Variants in C6orf62 observed in about 807,000 individuals in gnomAD.
C6orf62 encodes uncharacterized protein C6orf62.
A neutral mutation model predicts 26.8 loss-of-function variants in C6orf62; 16 were observed. That is an observed-to-expected ratio of 0.60 (90% confidence interval 0.40 to 0.91). The LOEUF (loss-of-function observed/expected upper bound fraction) is 0.91. C6orf62 is among the 40% of genes least tolerant of loss of function. C6orf62 has a pLI of 0.00. For missense variants in C6orf62, 192 were observed against 271.4 expected, an observed-to-expected ratio of 0.71 and a Z score of 2.06; for synonymous variants, 112 against 91.5, an observed-to-expected ratio of 1.22 and a Z score of -1.28.
intron 3 of C6orf62, among the ~76,000 whole-genome samples, chr6:24,713,312 G>A (rs2127634534): frequency 6.6e-6 from 1 of 152,068 alleles, no homozygotes; most frequent in South Asian, 2.1e-4. Flanking sequence ...TGTAACCAAT[G>A]GATTATTTTT....
intron 2 of C6orf62, 72 bp downstream of exon 2, chr6:24,716,076 G>A: frequency 5.2e-6 from 7 of 1,347,168 alleles, no homozygotes; most frequent in East Asian, 2.3e-5. Context: ...TTTAAGGGGG[G>A]TTCGGGGGGC....
At position 24,718,953 on chromosome 6, in the gene C6orf62, A is replaced by G. The variant is rs1562172655; in HGVS notation, c.-285T>C. The G allele has an allele frequency of 1.7e-6, 2 of 1,205,302 alleles. No individual in the cohort carries two copies. Among genetic ancestry groups the G allele is most frequent in the Non-Finnish European group, 2.1e-6 (2 of 966,422 alleles). The allele number at this position is 1,205,302 out of a possible 1,614,324, so 74.7% of individuals were successfully genotyped here. On this transcript the variant is annotated 5_prime_UTR_variant, in exon 1 of 5. Transcript: ENST00000378119. The stretch of plus-strand genomic sequence containing the variant: ...AAAGAAAGGAAAGAAAGAGGAGAAA[A>G]TAACTAACTTTCTGGAAAACACATT...
chr6:24,705,980 T>A lies in C6orf62; in HGVS notation c.*157A>T. On this transcript the variant is annotated 3_prime_UTR_variant, in exon 5 of 5. Transcript: ENST00000378119. Reference sequence around the variant, plus strand: ...TTTTGTTTAAGTTCTGAGATAAAAATGATTTAAAAAAATCCAGGATGAACA... The same window carrying A: ...TTTTGTTTAAGTTCTGAGATAAAAAAGATTTAAAAAAATCCAGGATGAACA... 8.8e-7 allele frequency: 1 copy of A among 1,140,112 alleles called. No homozygotes were observed. Among genetic ancestry groups the A allele is most frequent in the Non-Finnish European group, 1.2e-6 (1 of 843,408 alleles). The allele number at this position is 1,140,112 out of a possible 1,614,324, so 70.6% of individuals were successfully genotyped here.
rs765962099 is a variant in C6orf62, at chr6:24,718,651, G to A, written c.18C>T (p.Ser6=). 19 of 1,613,706 alleles carry A rather than the reference G, an allele frequency of 1.2e-5. No homozygotes were observed. Among genetic ancestry groups the A allele is most frequent in the South Asian group, 7.7e-5 (7 of 91,030 alleles). MGDPN[S]RKKQALNRLR... ...GTCTGTTCAGAGCTTGTTTCTTCCG[G>A]GAGTTTGGGTCCCCCATTTTGAAAT... Residue 6 remains serine (S), a synonymous_variant, in exon 1 of 5, where the codon TCC becomes TCT. Transcript: ENST00000378119.
intron 1 of C6orf62, among the ~76,000 whole-genome samples, chr6:24,716,655 A>T (rs1779236100): frequency 6.6e-6 from 1 of 152,174 alleles, no homozygotes; most frequent in Non-Finnish European, 1.5e-5. Context: ...GAATAGTTTT[A>T]TTCCTTATAT....
intron 4 of C6orf62, among the ~76,000 whole-genome samples, chr6:24,707,887 T>G (rs2127632269): frequency 6.6e-6 from 1 of 151,724 alleles, no homozygotes; most frequent in South Asian, 2.1e-4. Context: ...GGCGGGCACC[T>G]GTAGTCCCAG....
chr6:24,718,042 A>G (rs1779268756), intron 1 of C6orf62, among the ~76,000 whole-genome samples: 1 of 152,234 alleles, frequency 6.6e-6, no homozygotes, highest in South Asian at 2.1e-4. Flanking sequence ...CTAAACACAA[A>G]TTAACCATTT....
At chr6:24,720,081 T>A (rs1050690597), upstream of C6orf62, 2 of 1,234,900 alleles carry the variant, frequency 1.6e-6, no homozygotes, top group African/African-American at 3.5e-5. Flanking sequence ...ACAGACCATG[T>A]TTCCAGAGTT....
intron 3 of C6orf62, chr6:24,709,880 G>C (rs1779086001): frequency 2.1e-6 from 2 of 965,890 alleles, no homozygotes; most frequent in Non-Finnish European, 2.5e-6. Flanking sequence ...ATAATTGTTA[G>C]TCCATTTTGG....
At chr6:24,714,198 G>C in intron 3 of C6orf62, 120 bp downstream of exon 3, 1 of 713,832 alleles carries the variant, frequency 1.4e-6, no homozygotes, top group South Asian at 2.7e-5. Flanking sequence ...CTAAATAGGG[G>C]AGACTCGTGA....
intron 4 of C6orf62, among the ~76,000 whole-genome samples, chr6:24,708,126 C>A (rs1779047952): frequency 6.6e-6 from 1 of 152,032 alleles, no homozygotes; most frequent in South Asian, 2.1e-4. Flanking sequence ...ATATTTTTAA[C>A]AAGTTCTCAA....
At position 24,714,511 on chromosome 6, in the gene C6orf62, T is replaced by C. The variant is rs551111320; in HGVS notation, c.307-71A>G. Reference sequence around the variant, plus strand: ...CTACATCAAGCCATGTCACAAATTATAGGGTTCCCCTATAAAAACATTTTA... The same window carrying C: ...CTACATCAAGCCATGTCACAAATTACAGGGTTCCCCTATAAAAACATTTTA... On this transcript the variant is annotated intron_variant, in intron 2 of 4. Transcript: ENST00000378119. The C allele has an allele frequency of 2.6e-5, 31 of 1,190,802 alleles. No individual in the cohort carries two copies. In the South Asian group the frequency reaches 3.0e-4, roughly 11 times the overall value. 73.8% of individuals were successfully genotyped at this position (1,190,802 alleles called of 1,614,324 possible). A position where few individuals can be genotyped will look rare whatever the true frequency, so the allele number is the denominator to read the frequency against.
chr6:24,720,002 T>A (rs2127637603), upstream of C6orf62: 6 of 1,526,708 alleles, frequency 3.9e-6, no homozygotes, highest in South Asian at 7.5e-5. Context: ...TTAATATTAC[T>A]TCTAAAGTAA....
chr6:24,710,167 CTTA>C (rs200626348), intron 3 of C6orf62: 25,022 of 985,076 alleles, frequency 0.025, 374 homozygotes, highest in South Asian at 0.033. Context: ...CCTTAAGGGG[CTTA>C]TTATACTGCT....
Position 24,706,020 on chromosome 6 carries a change from T to C in C6orf62, c.*117A>G, listed in dbSNP as rs1243164304. Reference sequence around the variant, plus strand: ...CAGGATGAACAAGTTTCAAAATGCATAGTGTTCTGTGCATGAGTCCATTTT... The same window carrying C: ...CAGGATGAACAAGTTTCAAAATGCACAGTGTTCTGTGCATGAGTCCATTTT... On this transcript the variant is annotated 3_prime_UTR_variant, in exon 5 of 5. Transcript: ENST00000378119. The C allele has an allele frequency of 3.7e-6, 5 of 1,365,234 alleles. No homozygotes were observed. Among genetic ancestry groups the C allele is most frequent in the African/African-American group, 1.5e-5 (1 of 68,484 alleles). The allele number at this position is 1,365,234 out of a possible 1,614,324, so 84.6% of individuals were successfully genotyped here. A position where few individuals can be genotyped will look rare whatever the true frequency, so the allele number is the denominator to read the frequency against.
Position 24,714,376 on chromosome 6 carries a change from A to AT in C6orf62, c.370dup (p.Ile124AsnfsTer8). On this transcript the variant is annotated frameshift_variant, in exon 3 of 5. Transcript: ENST00000378119. LOFTEE classifies it high-confidence loss of function. ...CCACCTAGAAAACAGGAGACAGACG[A>AT]TTTTTTCAATATCATTCCGAGGCCA... The AT allele has an allele frequency of 6.2e-7, 1 of 1,612,568 alleles. No homozygotes were observed. Among genetic ancestry groups the AT allele is most frequent in the Non-Finnish European group, 8.5e-7 (1 of 1,179,030 alleles).
chr6:24,714,274 G>C, intron 3 of C6orf62, 44 bp downstream of exon 3: 2 of 1,510,760 alleles, frequency 1.3e-6, no homozygotes, highest in South Asian at 1.3e-5. Flanking sequence ...TATTCTAGTA[G>C]TTTTCACATA....
chr6:24,705,790 C>A lies in C6orf62; in HGVS notation c.*347G>T. 1 of 171,710 alleles carries A rather than the reference C, an allele frequency of 5.8e-6. No individual in the cohort carries two copies. The highest frequency in any genetic ancestry group is 1.3e-5 in the Non-Finnish European group (1 of 79,820). The allele number at this position is 171,710 out of a possible 1,614,324, so 10.6% of individuals were successfully genotyped here. ...GATGTCAAAGAGGCAAAAACCAGCA[C>A]AAATGGGAAGACCATAAAAATGAGT... On this transcript the variant is annotated 3_prime_UTR_variant, in exon 5 of 5. Coordinates refer to ENST00000378119, the MANE Select transcript of C6orf62 (RefSeq NM_030939.5).
upstream of C6orf62, chr6:24,720,013 G>GGGGGGGGCCC: frequency 3.4e-6 from 5 of 1,479,356 alleles, no homozygotes; most frequent in Non-Finnish European, 4.5e-6. Flanking sequence ...TCTAAAGTAA[G>GGGGGGGGCCC]CCCACCCACC....
Sources: allele counts gnomAD v4.1 joint callset (sites outside exome capture counted in the v4.1 genomes callset), GRCh38; gene constraint gnomAD v4.1.1; transcripts MANE v1.5; gene names NCBI Gene and HGNC (gene_info 2026-07-23, HGNC 2026-07-21).